The following NIPSNAP3A variants were observed in gnomAD, a reference collection of about 807,000 sequenced individuals.
NIPSNAP3A encodes nipsnap homolog 3A.
NIPSNAP3A carries 27 observed loss-of-function variants against 32.3 expected under a neutral mutation model. The observed-to-expected ratio is 0.84, with a 90% confidence interval of 0.62 to 1.15. NIPSNAP3A has a LOEUF of 1.15. Among genes scored for constraint, NIPSNAP3A ranks in the 50% most tolerant of loss-of-function variants. NIPSNAP3A has a pLI of 0.00. For missense variants in NIPSNAP3A, 278 were observed against 297.2 expected (o/e 0.94, Z 0.48); for synonymous variants, 108 against 107.3 (o/e 1.01, Z -0.04).
chr9:104,752,843 C>A, intron 2 of NIPSNAP3A, 63 bp from the exon 3 acceptor site: 1 of 1,413,098 alleles, frequency 7.1e-7, no homozygotes. Context: ...GAATGAAACC[C>A]AGAAAAGTAC....
chr9:104,758,570 T>G (rs1462930217), intron 4 of NIPSNAP3A, among the ~76,000 whole-genome samples: 1 of 152,140 alleles, frequency 6.6e-6, no homozygotes, highest in Non-Finnish European at 1.5e-5. Context: ...TTTGATTAAT[T>G]TATCAATTTC....
chr9:104,750,210 C>G (rs1827830881), intron 1 of NIPSNAP3A, among the ~76,000 whole-genome samples: 2 of 152,112 alleles, frequency 1.3e-5, no homozygotes, highest in South Asian at 4.1e-4. Context: ...ACTAAAGATG[C>G]AATATTGGCT....
chr9:104,748,385 G>A (rs1181666817), intron 1 of NIPSNAP3A, among the ~76,000 whole-genome samples: 1 of 152,120 alleles, frequency 6.6e-6, no homozygotes, highest in Non-Finnish European at 1.5e-5. Context: ...CCCTTGAAGA[G>A]GAGGCCCAGG....
chr9:104,755,241 CAA>C (rs145218973), intron 4 of NIPSNAP3A, among the ~76,000 whole-genome samples: 18 of 139,500 alleles, frequency 1.3e-4, no homozygotes, highest in Non-Finnish European at 1.4e-4. Context: ...AACTCCATCT[CAA>C]AAAAAAAAAA....
Position 104,747,736 on chromosome 9 carries a change from CAG to C in NIPSNAP3A, c.-54_-53del. 6.5e-7 allele frequency: 1 copy of C among 1,533,912 alleles called. No homozygotes were observed. The highest frequency in any genetic ancestry group is 1.2e-5 in the South Asian group (1 of 85,624). On this transcript the variant is annotated 5_prime_UTR_variant, in exon 1 of 6. Coordinates refer to ENST00000374767, the MANE Select transcript of NIPSNAP3A (RefSeq NM_015469.3). Reference sequence around the variant, plus strand: ...CGCTCCTTTCCACTCGGGAAACCTTCAGAGGAGTCTCAGAAAGGACACGGCTG... The same window carrying C: ...CGCTCCTTTCCACTCGGGAAACCTTCAGGAGTCTCAGAAAGGACACGGCTG...
Position 104,759,364 on chromosome 9 carries a change from C to T in NIPSNAP3A, c.*26C>T. The T allele has an allele frequency of 6.3e-7, 1 of 1,598,118 alleles. No homozygotes were observed. Among genetic ancestry groups the T allele is most frequent in the Non-Finnish European group, 8.6e-7 (1 of 1,167,166 alleles). On this transcript the variant is annotated 3_prime_UTR_variant, in exon 6 of 6. Coordinates refer to ENST00000374767, the MANE Select transcript of NIPSNAP3A (RefSeq NM_015469.3). ...TTTTCTACTGAAATACAAAACATTT[C>T]ATTAACTGCTATAGGATCTGTCTGC... is the stretch of plus-strand genomic sequence containing the variant.
In NIPSNAP3A at chr9:104,752,980, C is replaced by G. The variant is rs780613667; in HGVS notation, c.346C>G (p.Pro116Ala). The G allele has an allele frequency of 6.2e-7, 1 of 1,613,084 alleles. No individual in the cohort carries two copies. Among genetic ancestry groups the G allele is most frequent in the Non-Finnish European group, 8.5e-7 (1 of 1,179,096 alleles). ...GGAATGGCAAGAACAATTCCTCATT[C>G]CAAATTTGGCTCTCATTGATAAACA... Reference protein sequence around the residue: ...DKEWQEQFLIPNLALIDKQES... With the variant: ...DKEWQEQFLIANLALIDKQES... Residue 116 changes from proline to alanine, a missense_variant, in exon 3 of 6, where the codon CCA (proline) becomes GCA (alanine). Coordinates refer to ENST00000374767, the MANE Select transcript of NIPSNAP3A (RefSeq NM_015469.3).
chr9:104,757,342 T>C (rs1403193383), intron 4 of NIPSNAP3A, among the ~76,000 whole-genome samples: 1 of 152,186 alleles, frequency 6.6e-6, no homozygotes, highest in Non-Finnish European at 1.5e-5. Context: ...AGATTCAGAC[T>C]GCCTGGGTTT....
rs1233977719 is a variant in NIPSNAP3A, at chr9:104,754,682, T to A, written c.562T>A (p.Tyr188Asn). Residue 188 changes from tyrosine to asparagine, a missense_variant, in exon 4 of 6, where the codon TAC (tyrosine) becomes AAC (asparagine). Coordinates refer to ENST00000374767, the MANE Select transcript of NIPSNAP3A (RefSeq NM_015469.3). ...TKLVGVFHTE[Y>N]GALNRVHVLW... ...ACTAGTTGGAGTGTTCCACACAGAG[T>A]ACGGAGCACTCAACAGAGGTACAAT... is the stretch of plus-strand genomic sequence containing the variant. The A allele has an allele frequency of 6.2e-7, 1 of 1,613,804 alleles. No individual in the cohort carries two copies. The highest frequency in any genetic ancestry group is 1.1e-5 in the South Asian group (1 of 91,080).
At position 104,754,667 on chromosome 9, in the gene NIPSNAP3A, G is replaced by A. The variant is rs1477876316; in HGVS notation, c.547G>A (p.Val183Met). The A allele has an allele frequency of 1.2e-6, 2 of 1,613,898 alleles. No individual in the cohort carries two copies. The highest frequency in any genetic ancestry group is 1.3e-5 in the African/African-American group (1 of 74,928). Residue 183 changes from valine to methionine, a missense_variant, in exon 4 of 6, where the codon GTG (valine) becomes ATG (methionine). Coordinates refer to ENST00000374767, the MANE Select transcript of NIPSNAP3A (RefSeq NM_015469.3). ...VNLGYTKLVG[V>M]FHTEYGALNR... is the part of the protein sequence containing the mutation. ...TCTAGGCTACACAAAACTAGTTGGA[G>A]TGTTCCACACAGAGTACGGAGCACT...
chr9:104,751,820 TC>T (rs1218425375), intron 2 of NIPSNAP3A, among the ~76,000 whole-genome samples: 1 of 152,132 alleles, frequency 6.6e-6, no homozygotes, highest in East Asian at 1.9e-4. Context: ...AGAGAGTTCT[TC>T]CCGTGTTGAA....
At chr9:104,752,756 G>A (rs983890016) in intron 2 of NIPSNAP3A, 150 bp from the exon 3 acceptor site, 4 of 666,202 alleles carry the variant, frequency 6.0e-6, no homozygotes, top group Middle Eastern at 8.4e-4. Context: ...AGGGCAGATG[G>A]TCACATCTGT....
intron 2 of NIPSNAP3A, 117 bp from the exon 3 acceptor site, chr9:104,752,789 C>A: frequency 1.1e-6 from 1 of 870,658 alleles, no homozygotes; most frequent in Non-Finnish European, 1.8e-6. Flanking sequence ...CTCCAAAGGC[C>A]TAACACAAGG....
Position 104,747,811 on chromosome 9 carries a change from G to T in NIPSNAP3A, c.19G>T (p.Ala7Ser), listed in dbSNP as rs746132476. MLVLRSALTRALASRTL... is the reference protein window; with the variant it reads MLVLRSSLTRALASRTL... ...CCGCGCCATGCTCGTCCTCAGAAGCGCCCTGACTCGGGCGCTGGCCTCACG... is the reference window on the plus strand; with the variant it reads ...CCGCGCCATGCTCGTCCTCAGAAGCTCCCTGACTCGGGCGCTGGCCTCACG... The change falls in exon 1 of 6, where the codon GCC becomes TCC. Residue 7 changes from alanine to serine, a missense_variant. Coordinates refer to ENST00000374767, the MANE Select transcript of NIPSNAP3A (RefSeq NM_015469.3). 6.2e-7 allele frequency: 1 copy of T among 1,609,458 alleles called. No homozygotes were observed. The highest frequency in any genetic ancestry group is 1.1e-5 in the South Asian group (1 of 90,652).
chr9:104,748,885 G>A (rs1397113998), intron 1 of NIPSNAP3A, among the ~76,000 whole-genome samples: 2 of 152,156 alleles, frequency 1.3e-5, no homozygotes, highest in Non-Finnish European at 2.9e-5. Context: ...CTAACTTGGA[G>A]ATAAGGGAGG....
Position 104,755,645 on chromosome 9 carries a change from A to C in NIPSNAP3A, c.580+945A>C, listed in dbSNP as rs1357315603. On this transcript the variant is annotated intron_variant, in intron 4 of 5. Transcript: ENST00000374767. ...TTTATCTGAAAGGATAAAAGAGCTGATGAGGTAGCTCATACCTGTAATTCC... is the reference window on the plus strand; with the variant it reads ...TTTATCTGAAAGGATAAAAGAGCTGCTGAGGTAGCTCATACCTGTAATTCC... 1.3e-5 allele frequency among the ~76,000 whole-genome samples: 2 copies of C among 152,166 alleles called. 1 individual carries two copies. Among genetic ancestry groups the C allele is most frequent in the Admixed American group, 1.3e-4 (2 of 15,270 alleles).
intron 4 of NIPSNAP3A, among the ~76,000 whole-genome samples, chr9:104,757,627 TGTA>T (rs1374420155): frequency 6.6e-6 from 1 of 152,236 alleles, no homozygotes; most frequent in Non-Finnish European, 1.5e-5. Context: ...ACATTGGAAA[TGTA>T]GTATGACCTT....
At chr9:104,749,107 T>C (rs1827815858) in intron 1 of NIPSNAP3A, among the ~76,000 whole-genome samples, 1 of 152,256 alleles carries the variant, frequency 6.6e-6, no homozygotes, top group African/African-American at 2.4e-5. Flanking sequence ...TTTGATCAAC[T>C]ATTTTATCCT....
At chr9:104,750,607 A>C (rs2417564) in intron 1 of NIPSNAP3A, among the ~76,000 whole-genome samples, 26,352 of 152,208 alleles carry the variant, frequency 0.17, 2,843 homozygotes, top group East Asian at 0.5. Context: ...CCACATAGCC[A>C]ATGGGACACC....
Sources: allele counts gnomAD v4.1 joint callset (sites outside exome capture counted in the v4.1 genomes callset), GRCh38; gene constraint gnomAD v4.1.1; transcripts MANE v1.5; gene names NCBI Gene and HGNC (gene_info 2026-07-23, HGNC 2026-07-21).